Variants in C2CD5 observed in about 807,000 individuals in gnomAD.
C2CD5 encodes the protein C2 calcium dependent domain containing 5.
A neutral mutation model predicts 130.3 loss-of-function variants in C2CD5; 109 were observed. That is an observed-to-expected ratio of 0.84 (90% CI 0.72 to 0.98). The LOEUF (loss-of-function observed/expected upper bound fraction) is 0.98, where lower values mean the gene tolerates loss of function less well. Among genes scored for constraint, C2CD5 ranks in the 50% least tolerant of loss-of-function variants. The pLI, the probability that C2CD5 is intolerant of heterozygous loss-of-function variation, is 0.00. For missense variants in C2CD5, 996 were observed against 1,261.8 expected (o/e 0.79, Z 3.19); for synonymous variants, 454 against 429.2 (o/e 1.06, Z -0.71).
intron 12 of C2CD5, among the ~76,000 whole-genome samples, chr12:22,486,530 T>A (rs376538414): frequency 6.6e-6 from 1 of 152,190 alleles, no homozygotes; most frequent in African/African-American, 2.4e-5. Context: ...TGCTGAGGAC[T>A]AGCACATTGC....
At chr12:22,490,574 T>C (rs1397751926) in intron 11 of C2CD5, among the ~76,000 whole-genome samples, 1 of 152,130 alleles carries the variant, frequency 6.6e-6, no homozygotes, top group Admixed American at 6.5e-5. Flanking sequence ...TGAAACTATA[T>C]TAAAATACTC....
chr12:22,523,418 A>G lies in C2CD5; in HGVS notation c.800+8T>C, dbSNP rs1415572867. The stretch of plus-strand genomic sequence containing the variant: ...TTAGCAAGAACAATTTCATTGATTC[A>G]TACTTACTCCTTCATTTCTTTGGAT... On this transcript the variant is annotated splice_region_variant and intron_variant, in intron 7 of 26. Transcript: ENST00000446597. 3 of 1,605,004 alleles carry G rather than the reference A, an allele frequency of 1.9e-6. No homozygotes were observed. The highest frequency in any genetic ancestry group is 2.2e-5 in the East Asian group (1 of 44,828).
intron 11 of C2CD5, among the ~76,000 whole-genome samples, chr12:22,491,112 AG>A (rs1480561209): frequency 1.3e-5 from 2 of 152,222 alleles, no homozygotes; most frequent in Admixed American, 1.3e-4. Flanking sequence ...ATCCAGTAAC[AG>A]AAAGTAGCAT....
chr12:22,493,090 A>C (rs1430638601), intron 11 of C2CD5, 133 bp downstream of exon 11: 8 of 492,140 alleles, frequency 1.6e-5, no homozygotes, highest in Non-Finnish European at 2.9e-5. Context: ...ATAAACCTTA[A>C]TCTAATGTAC....
At chr12:22,463,691 G>T (rs1941584548) in intron 22 of C2CD5, 1 of 152,138 alleles carries the variant, frequency 6.6e-6, no homozygotes, top group Non-Finnish European at 1.5e-5. Flanking sequence ...TTTCTACACT[G>T]ATCAGTACCT....
At chr12:22,501,034 CAT>C (rs1947708377) in intron 10 of C2CD5, among the ~76,000 whole-genome samples, 1 of 152,088 alleles carries the variant, frequency 6.6e-6, no homozygotes, top group African/African-American at 2.4e-5. Context: ...AAATGATTTG[CAT>C]ATATTTACCT....
chr12:22,535,247 TA>T lies in C2CD5; in HGVS notation c.177+10del. 1 of 1,505,688 alleles carries T rather than the reference TA, an allele frequency of 6.6e-7. No homozygotes were observed. The highest frequency in any genetic ancestry group is 1.4e-5 in the African/African-American group (1 of 72,654). The allele number at this position is 1,505,688 out of a possible 1,614,324, so 93.3% of individuals were successfully genotyped here. A position where few individuals can be genotyped will look rare whatever the true frequency, so the allele number is the denominator to read the frequency against. On this transcript the variant is annotated intron_variant, in intron 3 of 26. Transcript: ENST00000446597. ...AAATACACTCAAAAATGCTGACATT[TA>T]AAAACTTACCTCAAATTTAAACCAC...
Position 22,534,153 on chromosome 12 carries a change from A to T in C2CD5, c.177+1105T>A, listed in dbSNP as rs183282078. Among the ~76,000 whole-genome samples the T allele has an allele frequency of 2.0e-3, 303 of 152,308 alleles. 2 individuals are homozygous for T. Among genetic ancestry groups the T allele is most frequent in the African/African-American group, 7.2e-3 (298 of 41,572 alleles). On this transcript the variant is annotated intron_variant, in intron 3 of 26. Transcript: ENST00000446597. ...CAGTGAGCCAAGATCGCACCATTGC[A>T]CTCCAGCCTGGGCAACAAAGCAAGA... is the stretch of plus-strand genomic sequence containing the variant.
intron 12 of C2CD5, among the ~76,000 whole-genome samples, chr12:22,485,952 C>T (rs973394184): frequency 6.6e-6 from 1 of 151,796 alleles, no homozygotes; most frequent in Admixed American, 6.6e-5. Flanking sequence ...ATGAAGAAAA[C>T]AAGTACTTTG....
intron 7 of C2CD5, chr12:22,519,248 A>G (rs1448904543): frequency 6.5e-7 from 1 of 1,534,988 alleles, no homozygotes; most frequent in Non-Finnish European, 8.7e-7. Context: ...ACCTGAGGGA[A>G]TTTGTGGTCA....
At chr12:22,519,540 T>C (rs1950080735) in intron 7 of C2CD5, among the ~76,000 whole-genome samples, 2 of 152,266 alleles carry the variant, frequency 1.3e-5, no homozygotes, top group South Asian at 4.1e-4. Flanking sequence ...ATCTGTATTT[T>C]AAGTTTCCTT....
intron 2 of C2CD5, among the ~76,000 whole-genome samples, chr12:22,543,290 AC>A (rs1331567266): frequency 2.6e-5 from 4 of 152,218 alleles, no homozygotes; most frequent in African/African-American, 9.7e-5. Flanking sequence ...GTAGGCCTTT[AC>A]TAATTTGCAT....
intron 14 of C2CD5, among the ~76,000 whole-genome samples, chr12:22,482,338 T>A (rs1273871263): frequency 6.6e-6 from 1 of 152,190 alleles, no homozygotes; most frequent in Non-Finnish European, 1.5e-5. Context: ...CAAATGATAA[T>A]TTTTAGAAAT....
rs761879796 is a variant in C2CD5, at chr12:22,478,388, T to C, written c.1827A>G (p.Gln609=). 1 of 1,612,970 alleles carries C rather than the reference T, an allele frequency of 6.2e-7. No homozygotes were observed. The highest frequency in any genetic ancestry group is 8.5e-7 in the Non-Finnish European group (1 of 1,179,122). ...TCTTCTTCTGCATATGAGAGATGTG[T>C]TGTTCATATGAGCCATCATTAGGAG... ...GKTPNDGSYE[Q]HISHMQKKIN... The change falls in exon 15 of 27, where the codon CAA becomes CAG. Residue 609 remains glutamine (Q), a synonymous_variant. Coordinates refer to ENST00000446597, the MANE Select transcript of C2CD5 (RefSeq NM_001286176.2).
chr12:22,494,977 T>C (rs1946827242), intron 10 of C2CD5, among the ~76,000 whole-genome samples: 1 of 152,072 alleles, frequency 6.6e-6, no homozygotes, highest in Non-Finnish European at 1.5e-5. Context: ...AATTTTTCTA[T>C]CATAAGATGA....
chr12:22,484,035 GTCCAAACCCATGGCT>G (rs1033516352), intron 13 of C2CD5, among the ~76,000 whole-genome samples: 3 of 152,082 alleles, frequency 2.0e-5, no homozygotes, highest in African/African-American at 4.8e-5. Context: ...TGGGCAGAGG[GTCCAAACCCATGGCT>G]CTCAAGGATC....
intron 9 of C2CD5, among the ~76,000 whole-genome samples, chr12:22,507,501 C>T (rs1359609060): frequency 6.6e-6 from 1 of 152,146 alleles, no homozygotes; most frequent in Non-Finnish European, 1.5e-5. Flanking sequence ...TTCTTGCAAG[C>T]TTTATTCTAT....
At chr12:22,500,180 T>C (rs1947577309) in intron 10 of C2CD5, among the ~76,000 whole-genome samples, 1 of 149,612 alleles carries the variant, frequency 6.7e-6, no homozygotes, top group Non-Finnish European at 1.5e-5. Flanking sequence ...CAAGATTCCA[T>C]CTCCAAAACA....
chr12:22,540,642 T>A (rs1952278384), intron 2 of C2CD5, among the ~76,000 whole-genome samples: 1 of 152,172 alleles, frequency 6.6e-6, no homozygotes, highest in Non-Finnish European at 1.5e-5. Flanking sequence ...GTGGATCACC[T>A]GAGGTCAGGA....
Sources: gnomAD v4.1 joint callset for allele counts (sites outside exome capture counted in the v4.1 genomes callset) on GRCh38, gnomAD v4.1.1 for gene constraint, MANE v1.5 for transcripts, NCBI Gene and HGNC (gene_info 2026-07-23, HGNC 2026-07-21) for gene names.